The following NRG2 variants were observed in gnomAD, a reference collection of about 807,000 sequenced individuals.
NRG2 encodes pro-neuregulin-2, membrane-bound isoform.
Under a neutral mutation model 73.9 loss-of-function variants are expected in NRG2, and 27 were observed. The observed-to-expected ratio is 0.37, with a 90% CI of 0.27 to 0.50. The LOEUF is 0.50. Ranked by LOEUF, NRG2 falls within the 20% of genes least tolerant of loss-of-function variation. The pLI, the probability that NRG2 is intolerant of heterozygous loss-of-function variation, is 0.96. For missense variants in NRG2, 1,126 were observed against 1,210.1 expected (o/e 0.93, Z 1.03); for synonymous variants, 532 against 541.0 (o/e 0.98, Z 0.23).
rs768738508 is a variant in NRG2, at chr5:140,043,115, T to C, written c.-46A>G. On this transcript the variant is annotated 5_prime_UTR_variant, in exon 1 of 10. Coordinates refer to ENST00000361474, the MANE Select transcript of NRG2 (RefSeq NM_004883.3). The surrounding 1 kb of genome is among the most constrained non-coding windows in gnomAD (Gnocchi z 6.7). Reference sequence around the variant, plus strand: ...GCTCCGCCGCTCAGCCGCCGCCGCCTTGGGAGGGGAAACAGAGCCCGCTGG... The same window carrying C: ...GCTCCGCCGCTCAGCCGCCGCCGCCCTGGGAGGGGAAACAGAGCCCGCTGG... 12 of 1,560,420 alleles carry C rather than the reference T, an allele frequency of 7.7e-6. No individual in the cohort carries two copies. The highest frequency in any genetic ancestry group is 5.3e-5 in the Admixed American group (3 of 56,304).
intron 2 of NRG2, among the ~76,000 whole-genome samples, chr5:139,882,596 G>A (rs1198132603): frequency 2.0e-5 from 3 of 152,066 alleles, no homozygotes; most frequent in Non-Finnish European, 4.4e-5. Flanking sequence ...CTCTTTCCCT[G>A]CTCCAGCCAA....
At chr5:139,982,040 C>A (rs1756839818) in intron 1 of NRG2, among the ~76,000 whole-genome samples, 2 of 152,134 alleles carry the variant, frequency 1.3e-5, no homozygotes, top group Non-Finnish European at 2.9e-5. Context: ...TTAGAAGAGA[C>A]CTTACATGGT....
At chr5:140,026,630 A>G (rs1042389128) in intron 1 of NRG2, among the ~76,000 whole-genome samples, 6 of 152,194 alleles carry the variant, frequency 3.9e-5, no homozygotes, top group Admixed American at 3.3e-4. Flanking sequence ...AAAGAAAAGA[A>G]AAGAAAAGAA....
At chr5:140,035,874 T>G (rs1477171682) in intron 1 of NRG2, among the ~76,000 whole-genome samples, 1 of 152,098 alleles carries the variant, frequency 6.6e-6, no homozygotes, top group African/African-American at 2.4e-5. Flanking sequence ...GGATTCTGTT[T>G]CTGGGGAGAG....
chr5:139,913,619 C>T (rs1751022752), intron 1 of NRG2, among the ~76,000 whole-genome samples: 1 of 152,236 alleles, frequency 6.6e-6, no homozygotes, highest in Admixed American at 6.5e-5. Context: ...CTCCCCTGCT[C>T]CTTGAGCTGT....
chr5:139,897,976 C>T (rs1764649490), intron 1 of NRG2, among the ~76,000 whole-genome samples: 1 of 152,216 alleles, frequency 6.6e-6, no homozygotes, highest in East Asian at 1.9e-4. Context: ...GAGTGGCCAG[C>T]TAGGTCTCCA....
Position 139,864,777 on chromosome 5 carries a change from C to T in NRG2, c.1189+772G>A, listed in dbSNP as rs898585795. 1.3e-4 allele frequency among the ~76,000 whole-genome samples: 20 copies of T among 152,200 alleles called. 1 individual carries two copies. The highest frequency in any genetic ancestry group is 7.7e-4 in the East Asian group (4 of 5,174). On this transcript the variant is annotated intron_variant, in intron 5 of 9. Coordinates refer to ENST00000361474, the MANE Select transcript of NRG2 (RefSeq NM_004883.3). ...GTCGGCACACACACACACACACACACACTCACTGCCAGACCCTTTGGTACC... is the reference window on the plus strand; with the variant it reads ...GTCGGCACACACACACACACACACATACTCACTGCCAGACCCTTTGGTACC...
Position 139,852,566 on chromosome 5 carries a change from C to G in NRG2, c.1417-7G>C. ...GCACGTTCTTGGAAATATACTGGAA[C>G]AGACAGAGTTGGGCGAGAGTTAGTG... On this transcript the variant is annotated splice_polypyrimidine_tract_variant and splice_region_variant and intron_variant, in intron 7 of 9. Transcript: ENST00000361474. This position sits in a 1 kb window ranked among gnomAD's most constrained non-coding sequence, Gnocchi z 4.4. 2 of 1,612,942 alleles carry G rather than the reference C, an allele frequency of 1.2e-6. No individual in the cohort carries two copies. Among genetic ancestry groups the G allele is most frequent in the South Asian group, 2.2e-5 (2 of 90,722 alleles).
intron 1 of NRG2, among the ~76,000 whole-genome samples, chr5:139,993,008 T>C (rs1326115826): frequency 6.6e-6 from 1 of 152,110 alleles, no homozygotes; most frequent in Non-Finnish European, 1.5e-5. Flanking sequence ...TGCAATCCAT[T>C]TGGTAAAGAC....
chr5:140,037,851 T>A (rs1761621377), intron 1 of NRG2, among the ~76,000 whole-genome samples: 1 of 138,200 alleles, frequency 7.2e-6, no homozygotes, highest in African/African-American at 2.7e-5. Context: ...GAGGTTGCAG[T>A]GAGCTGAGAA....
At chr5:139,908,169 G>A (rs1318398372) in intron 1 of NRG2, among the ~76,000 whole-genome samples, 3 of 152,268 alleles carry the variant, frequency 2.0e-5, no homozygotes, top group African/African-American at 7.2e-5. Flanking sequence ...GTGAGCAGGT[G>A]AGAGATACAC....
At chr5:139,969,103 G>A (rs571147395) in intron 1 of NRG2, among the ~76,000 whole-genome samples, 156 of 152,340 alleles carry the variant, frequency 1.0e-3, no homozygotes, top group African/African-American at 3.3e-3. Flanking sequence ...GGGCTCAGAG[G>A]CCTTGCCATA....
intron 9 of NRG2, among the ~76,000 whole-genome samples, chr5:139,849,383 T>C (rs1232342668): frequency 6.6e-6 from 1 of 152,186 alleles, no homozygotes; most frequent in East Asian, 1.9e-4. Context: ...GAGGGAAATA[T>C]TCCTCCTTAC....
At chr5:139,890,327 A>G (rs1207214694) in intron 1 of NRG2, among the ~76,000 whole-genome samples, 1 of 152,144 alleles carries the variant, frequency 6.6e-6, no homozygotes, top group African/African-American at 2.4e-5. Flanking sequence ...TCGAGTGCTC[A>G]TCCTAGTGAT....
At chr5:140,026,117 A>G (rs1400287423) in intron 1 of NRG2, among the ~76,000 whole-genome samples, 1 of 152,266 alleles carries the variant, frequency 6.6e-6, no homozygotes, top group Non-Finnish European at 1.5e-5. Flanking sequence ...CAGAATGAGC[A>G]AAAGCACTAA....
intron 1 of NRG2, among the ~76,000 whole-genome samples, chr5:139,898,145 A>G (rs1414021887): frequency 6.6e-6 from 1 of 152,278 alleles, no homozygotes; most frequent in Non-Finnish European, 1.5e-5. Flanking sequence ...CTTGGGGACC[A>G]GGGAGGCCCT....
intron 3 of NRG2, among the ~76,000 whole-genome samples, chr5:139,873,121 TG>T (rs1762966404): frequency 6.6e-6 from 1 of 151,938 alleles, no homozygotes; most frequent in African/African-American, 2.4e-5. Context: ...GGGCTGGGAG[TG>T]TATACACAGC....
At chr5:140,002,821 C>T (rs1758593200) in intron 1 of NRG2, among the ~76,000 whole-genome samples, 1 of 152,126 alleles carries the variant, frequency 6.6e-6, no homozygotes, top group Admixed American at 6.5e-5. Flanking sequence ...AACAACTAGG[C>T]AAGAGATAAT....
At chr5:140,036,705 A>G (rs987434066) in intron 1 of NRG2, among the ~76,000 whole-genome samples, 1 of 152,192 alleles carries the variant, frequency 6.6e-6, no homozygotes, top group Non-Finnish European at 1.5e-5. Context: ...AAATCCCCAC[A>G]CCATATACAC....
Sources: gnomAD v4.1 joint callset for allele counts (sites outside exome capture counted in the v4.1 genomes callset) on GRCh38, gnomAD v4.1.1 for gene constraint, Gnocchi (gnomAD v3.1) non-coding constraint, MANE v1.5 for transcripts, NCBI Gene and HGNC (gene_info 2026-07-23, HGNC 2026-07-21) for gene names.